The following KCTD1 variants were observed in gnomAD, a reference collection of about 807,000 sequenced individuals.
KCTD1 encodes the protein BTB/POZ domain-containing protein KCTD1.
In KCTD1, 24 loss-of-function variants were observed where a neutral mutation model predicts 66.0. The observed-to-expected ratio is 0.36, with a 90% CI of 0.26 to 0.51. The LOEUF (loss-of-function observed/expected upper bound fraction) is 0.51, where lower values mean the gene tolerates loss of function less well. Among genes scored for constraint, KCTD1 ranks in the 20% least tolerant of loss-of-function variants. KCTD1 has a pLI of 0.95. For missense variants in KCTD1, 943 were observed against 1,205.2 expected, an observed-to-expected ratio of 0.78 and a Z score of 3.22; for synonymous variants, 511 against 517.2, an observed-to-expected ratio of 0.99 and a Z score of 0.16.
chr18:26,495,364 A>G (rs1343915951), intron 2 of KCTD1, among the ~76,000 whole-genome samples: 1 of 152,148 alleles, frequency 6.6e-6, no homozygotes, highest in Admixed American at 6.6e-5. Flanking sequence ...CAGTTGTCTG[A>G]ATTTCCTTTT....
intron 4 of KCTD1, chr18:26,456,898 T>C (rs1404787528): frequency 6.7e-6 from 1 of 149,422 alleles, no homozygotes; most frequent in Non-Finnish European, 1.5e-5. Context: ...CACACCACCT[T>C]AAAGGCAAAG....
At chr18:26,634,687 A>T (rs1987686112) in intron 1 of KCTD1, among the ~76,000 whole-genome samples, 1 of 152,178 alleles carries the variant, frequency 6.6e-6, no homozygotes, top group Non-Finnish European at 1.5e-5. Flanking sequence ...TTAAACTAGA[A>T]CTTCAGAGCT....
intron 1 of KCTD1, among the ~76,000 whole-genome samples, chr18:26,501,998 C>A (rs919003660): frequency 6.6e-6 from 1 of 152,210 alleles, no homozygotes; most frequent in African/African-American, 2.4e-5. Flanking sequence ...AGCAAACAGA[C>A]CAGAATGAGG....
chr18:26,613,134 A>G (rs1038678470), intron 1 of KCTD1, among the ~76,000 whole-genome samples: 1 of 152,204 alleles, frequency 6.6e-6, no homozygotes, highest in Non-Finnish European at 1.5e-5. Flanking sequence ...TATCTGAGCT[A>G]AACAGTGTAT....
chr18:26,524,541 A>G (rs1185906199), intron 1 of KCTD1, among the ~76,000 whole-genome samples: 2 of 152,170 alleles, frequency 1.3e-5, no homozygotes, highest in African/African-American at 4.8e-5. Context: ...TCCCAATGAT[A>G]TTATTCATTC....
chr18:26,490,871 G>A (rs1185160195), intron 2 of KCTD1, among the ~76,000 whole-genome samples: 3 of 151,808 alleles, frequency 2.0e-5, no homozygotes, highest in Admixed American at 2.0e-4. Flanking sequence ...TCATGCCTCA[G>A]CCTCCCGAGT....
At chr18:26,616,141 C>CTTTTTTTTTTTTT (rs11354165) in intron 1 of KCTD1, among the ~76,000 whole-genome samples, 1 of 138,104 alleles carries the variant, frequency 7.2e-6, no homozygotes, top group Non-Finnish European at 1.5e-5. Context: ...TTAAGTGTTT[C>CTTTTTTTTTTTTT]TTTTTTTTTT....
intron 1 of KCTD1, chr18:26,543,592 A>C (rs903316244): frequency 2.0e-5 from 3 of 152,288 alleles, no homozygotes; most frequent in African/African-American, 2.4e-5. Context: ...GCCTGCTTGC[A>C]GCCTGCTGCA....
At chr18:26,634,289 T>C (rs1987678202) in intron 1 of KCTD1, among the ~76,000 whole-genome samples, 1 of 152,196 alleles carries the variant, frequency 6.6e-6, no homozygotes, top group Non-Finnish European at 1.5e-5. Context: ...AGAGTTACAC[T>C]GGTTGGCTTG....
At chr18:26,617,928 G>GAA in intron 1 of KCTD1, among the ~76,000 whole-genome samples, 1 of 136,670 alleles carries the variant, frequency 7.3e-6, no homozygotes, top group Non-Finnish European at 1.6e-5. Flanking sequence ...CAAAAAGAAG[G>GAA]AAAAAAAAAA....
chr18:26,574,050 GCCCCAGGTCCAGGGA>G lies in KCTD1; in HGVS notation c.-16+55082_-16+55096del, dbSNP rs373481552. Among the ~76,000 whole-genome samples, 292 of 152,176 alleles carry G rather than the reference GCCCCAGGTCCAGGGA, an allele frequency of 1.9e-3. 6 individuals carry two copies. Among genetic ancestry groups the G allele is most frequent in the African/African-American group, 6.7e-3 (279 of 41,522 alleles). On this transcript the variant is annotated intron_variant, in intron 1 of 4. Coordinates refer to the KCTD1 transcript ENST00000317932. ...CTGACACGTGTTGGCCATACTTTGT[GCCCCAGGTCCAGGGA>G]CCCTCTCACTAGTGCTGGTCAGATC...
In KCTD1 at chr18:26,547,486, G is replaced by C. The variant is rs1248016815; in HGVS notation, c.1051C>G (p.Leu351Val). 6.4e-7 allele frequency: 1 copy of C among 1,551,436 alleles called. No homozygotes were observed. The highest frequency in any genetic ancestry group is 8.7e-7 in the Non-Finnish European group (1 of 1,147,006). The change falls in exon 1 of 5, where the codon CTC (leucine) becomes GTC (valine). Residue 351 changes from leucine to valine, a missense_variant. Physicochemically the swap from Leu to Val is conservative, Grantham distance 32 (BLOSUM62 1). Coordinates refer to ENST00000580059, the MANE Select transcript of KCTD1 (RefSeq NM_001142730.3). ...DGRKFVYFKS[L>V]GPYHKSRSSS... ...GAGCGCGACTTGTGGTAGGGCCCGA[G>C]GGACTTGAAGTAGACGAACTTGCGA... is the stretch of plus-strand genomic sequence containing the variant.
chr18:26,530,247 C>T (rs1362268465), intron 1 of KCTD1, among the ~76,000 whole-genome samples: 1 of 152,168 alleles, frequency 6.6e-6, no homozygotes, highest in Non-Finnish European at 1.5e-5. Context: ...GTCAACCCTA[C>T]ACTTTGAATA....
chr18:26,592,046 G>A (rs1372072098), intron 1 of KCTD1, among the ~76,000 whole-genome samples: 3 of 152,112 alleles, frequency 2.0e-5, no homozygotes, highest in Non-Finnish European at 2.9e-5. Context: ...TAGTTACTTT[G>A]TTAGTCTAGT....
chr18:26,608,693 CCTAAGT>C (rs1037570720), intron 1 of KCTD1, among the ~76,000 whole-genome samples: 3 of 152,094 alleles, frequency 2.0e-5, no homozygotes, highest in African/African-American at 7.2e-5. Context: ...TTAATCACCT[CCTAAGT>C]CTTATTGTGC....
At chr18:26,460,125 G>A (rs1427232967) in intron 3 of KCTD1, among the ~76,000 whole-genome samples, 200 bp from the exon 4 acceptor site, 1 of 152,164 alleles carries the variant, frequency 6.6e-6, no homozygotes, top group Non-Finnish European at 1.5e-5. Context: ...GATAAAAGGA[G>A]CTGAGTAGAT....
intron 1 of KCTD1, among the ~76,000 whole-genome samples, chr18:26,623,181 T>G (rs1199367863): frequency 6.6e-6 from 1 of 152,224 alleles, no homozygotes; most frequent in Non-Finnish European, 1.5e-5. Flanking sequence ...TTAACATTTC[T>G]TCTCACTAAG....
chr18:26,560,982 A>C lies in KCTD1; in HGVS notation c.-15-59732T>G, dbSNP rs115882836. ...TCTTGAAGCATTGTTTATAATAAAG[A>C]ATCATTGGATACAATCTAACTTCAG... On this transcript the variant is annotated intron_variant, in intron 1 of 4. Transcript: ENST00000317932. Among the ~76,000 whole-genome samples the C allele has an allele frequency of 8.8e-3, 1,335 of 152,348 alleles. 17 individuals carry two copies. The highest frequency in any genetic ancestry group is 0.031 in the African/African-American group (1,285 of 41,584).
chr18:26,502,089 G>C (rs762078497), intron 1 of KCTD1, among the ~76,000 whole-genome samples: 1 of 152,096 alleles, frequency 6.6e-6, no homozygotes, highest in Non-Finnish European at 1.5e-5. Flanking sequence ...TCGCTCTGTC[G>C]CCCAGGCTGG....
Sources: gnomAD v4.1 joint callset for allele counts (sites outside exome capture counted in the v4.1 genomes callset) on GRCh38, gnomAD v4.1.1 for gene constraint, MANE v1.5 for transcripts, NCBI Gene and HGNC (gene_info 2026-07-23, HGNC 2026-07-21) for gene names.